Variants in TAF1 observed in about 807,000 individuals in gnomAD.
TAF1 encodes transcription initiation factor TFIID subunit 1.
A neutral mutation model predicts 138.5 loss-of-function variants in TAF1; 2 were observed. The ratio of observed to expected loss-of-function variants is 0.01; its 90% CI spans 0.01 to 0.05. TAF1 has a LOEUF of 0.05. TAF1 is among the 10% of genes least tolerant of loss of function. The pLI, the probability that TAF1 is intolerant of heterozygous loss-of-function variation, is 1.00. For synonymous variants in TAF1, 437 were observed against 503.2 expected (o/e 0.87, Z 1.76); for missense variants, 709 against 1,478.0 (o/e 0.48, Z 8.53).
At chrX:71,448,955 A>G (rs2037826725) in intron 32 of TAF1, among the ~76,000 whole-genome samples, 1 of 109,056 alleles carries the variant, frequency 9.2e-6, no homozygotes, top group Non-Finnish European at 1.9e-5. Flanking sequence ...AGTAGCTGGG[A>G]CTACAGGCAT....
intron 34 of TAF1, among the ~76,000 whole-genome samples, chrX:71,457,823 T>C (rs770505581): frequency 5.3e-5 from 6 of 112,510 alleles, no homozygotes; most frequent in Non-Finnish European, 9.4e-5. Flanking sequence ...TCATAAACTA[T>C]CAAAGCATTC....
chrX:71,372,230 G>A (rs2033112090), intron 3 of TAF1, among the ~76,000 whole-genome samples: 1 of 109,912 alleles, frequency 9.1e-6, no homozygotes, highest in Non-Finnish European at 1.9e-5. Context: ...TCAGGAGTTC[G>A]AGTCCAGCCT....
At chrX:71,467,239 G>A (rs2038783313), downstream of TAF1, among the ~76,000 whole-genome samples, 1 of 109,446 alleles carries the variant, frequency 9.1e-6, no homozygotes, top group South Asian at 4.0e-4. Flanking sequence ...GGACCCTGCG[G>A]CCTTCCACAG....
chrX:71,424,905 G>A (rs1385296895), intron 32 of TAF1, among the ~76,000 whole-genome samples: 2 of 112,287 alleles, frequency 1.8e-5, no homozygotes, highest in East Asian at 2.8e-4. Context: ...GATTACAGGC[G>A]TGAGCCACTG....
intron 32 of TAF1, among the ~76,000 whole-genome samples, chrX:71,449,347 A>G (rs937849406): frequency 9.2e-6 from 1 of 108,768 alleles, no homozygotes; most frequent in Admixed American, 9.8e-5. Flanking sequence ...CTGGTCTCAA[A>G]CTCCTGACCT....
At chrX:71,422,886 C>A (rs2036423536) in intron 29 of TAF1, among the ~76,000 whole-genome samples, 1 of 109,083 alleles carries the variant, frequency 9.2e-6, no homozygotes, top group Non-Finnish European at 1.9e-5. Context: ...ACTATAGGCG[C>A]CCGCCACCAC....
intron 28 of TAF1, among the ~76,000 whole-genome samples, chrX:71,408,758 G>T (rs2035607809): frequency 9.3e-6 from 1 of 107,411 alleles, no homozygotes. Flanking sequence ...GGGCGCGGTG[G>T]CTCACGCCTG....
In TAF1 at chrX:71,486,863, CT is replaced by C. The variant is rs1318645146; in HGVS notation, c.1366+26067del. 7.2e-5 allele frequency among the ~76,000 whole-genome samples: 8 copies of C among 110,346 alleles called. No homozygotes were observed. The East Asian group carries it at 2.3e-3, about 31-fold the overall frequency. ...CATTTCTGATTTTAGTAATTTGAGCCTTTTTTTCTTAGTCAATCTAGTTAAA... is the reference window on the plus strand; with the variant it reads ...CATTTCTGATTTTAGTAATTTGAGCCTTTTTTCTTAGTCAATCTAGTTAAA... On this transcript the variant is annotated intron_variant and NMD_transcript_variant, in intron 13 of 14. Coordinates refer to the TAF1 transcript ENST00000373775.
At chrX:71,449,840 A>G (rs1261184801) in intron 32 of TAF1, among the ~76,000 whole-genome samples, 2 of 108,424 alleles carry the variant, frequency 1.8e-5, no homozygotes, top group African/African-American at 3.4e-5. Flanking sequence ...TGGCGTGATC[A>G]TGGCTCACTG....
chrX:71,502,953 A>G (rs2039537949), intron 13 of TAF1, among the ~76,000 whole-genome samples: 1 of 109,509 alleles, frequency 9.1e-6, no homozygotes, highest in Non-Finnish European at 1.9e-5. Context: ...GAAAAAAAAA[A>G]GAAAAACAAA....
chrX:71,432,762 A>T (rs1483532108), intron 32 of TAF1, among the ~76,000 whole-genome samples: 1 of 111,676 alleles, frequency 9.0e-6, no homozygotes, highest in East Asian at 2.8e-4. Flanking sequence ...AGTTTGGGGG[A>T]ATATCTCAGA....
chrX:71,366,523 C>CG (rs373947767), intron 1 of TAF1, 29 bp downstream of exon 1: 33 of 127,498 alleles, frequency 2.6e-4, no homozygotes, highest in Middle Eastern at 2.2e-3. Context: ...GGGTAGGGCT[C>CG]GGGGGGTGGG....
At chrX:71,433,492 A>G (rs2036990023) in intron 32 of TAF1, among the ~76,000 whole-genome samples, 1 of 111,265 alleles carries the variant, frequency 9.0e-6, no homozygotes, top group Non-Finnish European at 1.9e-5. Context: ...GCTAAACTAG[A>G]AAAGTGCATA....
rs1231922417 is a variant in TAF1 at position 71,516,507 on chromosome X, C to T, written c.1367-12035C>T. Among the ~76,000 whole-genome samples, 5 of 109,871 alleles carry T rather than the reference C, an allele frequency of 4.6e-5. 1 individual carries two copies. In the Middle Eastern group the frequency reaches 0.014, roughly 304 times the overall value. On this transcript the variant is annotated intron_variant and NMD_transcript_variant, in intron 13 of 14. Coordinates refer to the TAF1 transcript ENST00000373775. ...AAGGGTTAAGATGGGCCACGTGCAG[C>T]GGCTCACGCCTGTAATGCCAATACT...
chrX:71,450,831 T>G (rs1336475429), intron 32 of TAF1, among the ~76,000 whole-genome samples: 2 of 112,462 alleles, frequency 1.8e-5, no homozygotes, highest in Non-Finnish European at 3.8e-5. Context: ...ATTTTAAGTA[T>G]TTAAGGCAGG....
intron 13 of TAF1, among the ~76,000 whole-genome samples, chrX:71,511,008 C>A (rs1448456348): frequency 3.6e-5 from 4 of 110,643 alleles, no homozygotes; most frequent in African/African-American, 1.3e-4. Flanking sequence ...GAGGCTGAGG[C>A]GGGAGAATTG....
intron 22 of TAF1, 91 bp downstream of exon 22, chrX:71,394,336 A>T (rs2034729767): frequency 9.7e-7 from 1 of 1,033,294 alleles, no homozygotes; most frequent in African/African-American, 1.9e-5. Context: ...GGAGATCTGG[A>T]GGCAGAAGAT....
intron 28 of TAF1, chrX:71,420,469 T>G: frequency 8.3e-7 from 1 of 1,208,437 alleles, no homozygotes; most frequent in Non-Finnish European, 1.1e-6. Context: ...TAGTCAACAT[T>G]GCCAACATAG....
At chrX:71,520,127 TTTTATTTATTTATTTA>T (rs202003899) in intron 13 of TAF1, among the ~76,000 whole-genome samples, 377 of 95,446 alleles carry the variant, frequency 3.9e-3, no homozygotes, top group African/African-American at 0.015. Context: ...AGGCATTTTA[TTTTATTTATTTATTTA>T]TTTATTTATT....
Sources: gnomAD v4.1 joint callset for allele counts (sites outside exome capture counted in the v4.1 genomes callset) on GRCh38, gnomAD v4.1.1 for gene constraint, MANE v1.5 for transcripts, NCBI Gene and HGNC (gene_info 2026-07-23, HGNC 2026-07-21) for gene names.